MTHFD1L: variants seen among roughly 807,000 people sequenced by gnomAD.
MTHFD1L encodes the protein methylenetetrahydrofolate dehydrogenase (NADP+ dependent) 1 like.
In MTHFD1L, 81 loss-of-function variants were observed where a neutral mutation model predicts 119.5. The ratio of observed to expected loss-of-function variants is 0.68; its 90% CI spans 0.57 to 0.82. MTHFD1L has a LOEUF of 0.82. Ranked by LOEUF, MTHFD1L falls within the 40% of genes least tolerant of loss-of-function variation. The pLI is 0.00. For missense variants in MTHFD1L, 1,125 were observed against 1,253.4 expected (o/e 0.90, Z 1.55); for synonymous variants, 430 against 475.2 (o/e 0.90, Z 1.24).
chr6:150,923,544 C>CTT (rs61415562), intron 10 of MTHFD1L, among the ~76,000 whole-genome samples: 1,990 of 53,172 alleles, frequency 0.037, 192 homozygotes, highest in African/African-American at 0.11. Context: ...TTTATTTTTT[C>CTT]TTTTTTTTTT....
Position 150,865,933 on chromosome 6 carries a change from AGGC to A in MTHFD1L, c.120_122del (p.Gly42del). ...GTCGCGCTAGCAGCGGCGGCGGCGG[AGGC>A]GGCGGCGGTGGCCGGGAGGGCCTGC... is the stretch of plus-strand genomic sequence containing the variant. On this transcript the variant is annotated inframe_deletion, in exon 1 of 28. Coordinates refer to ENST00000367321, the MANE Select transcript of MTHFD1L (RefSeq NM_015440.5). 2 of 1,206,008 alleles carry A rather than the reference AGGC, an allele frequency of 1.7e-6. No homozygotes were observed. Among genetic ancestry groups the A allele is most frequent in the Non-Finnish European group, 2.1e-6 (2 of 975,050 alleles). 74.7% of individuals were successfully genotyped at this position (1,206,008 alleles called of 1,614,324 possible).
chr6:150,934,865 C>T (rs1791778896), intron 11 of MTHFD1L: 1 of 1,402,968 alleles, frequency 7.1e-7, no homozygotes, highest in African/African-American at 1.4e-5. Flanking sequence ...TGGACCCAAA[C>T]TCCAGATCGG....
At position 150,895,020 on chromosome 6, in the gene MTHFD1L, A is replaced by G. The variant is rs75418782; in HGVS notation, c.780+7039A>G. On this transcript the variant is annotated intron_variant, in intron 7 of 27. Coordinates refer to ENST00000367321, the MANE Select transcript of MTHFD1L (RefSeq NM_015440.5). ...GAAGAACGCCTGGGCATTTGTCCAA[A>G]TTAGCCATATGCTGTGGAGTGTCAC... Among the ~76,000 whole-genome samples, 1,000 of 152,268 alleles carry G rather than the reference A, an allele frequency of 6.6e-3. 13 individuals are homozygous for G. Among genetic ancestry groups the G allele is most frequent in the African/African-American group, 0.022 (930 of 41,536 alleles).
intron 21 of MTHFD1L, among the ~76,000 whole-genome samples, chr6:151,012,084 G>A (rs2128485521): frequency 6.8e-6 from 1 of 146,490 alleles, no homozygotes; most frequent in South Asian, 2.2e-4. Flanking sequence ...GTGAAGCTAG[G>A]CATCCCTCTC....
intron 27 of MTHFD1L, chr6:151,099,823 G>A (rs561619645): frequency 3.7e-5 from 59 of 1,602,264 alleles, no homozygotes; most frequent in Middle Eastern, 2.2e-4. Context: ...TGCCGAGATC[G>A]CTCACAATGT....
At chr6:150,964,331 A>C (rs1204480572) in intron 18 of MTHFD1L, among the ~76,000 whole-genome samples, 7 of 152,208 alleles carry the variant, frequency 4.6e-5, no homozygotes, top group Admixed American at 4.6e-4. Context: ...GAAGGAACTC[A>C]ACCCAGTACT....
At chr6:150,921,283 C>A (rs1262357495) in intron 9 of MTHFD1L, among the ~76,000 whole-genome samples, 1 of 151,536 alleles carries the variant, frequency 6.6e-6, no homozygotes, top group African/African-American at 2.4e-5. Flanking sequence ...CCACACCCAG[C>A]TAATTTTGTA....
intron 4 of MTHFD1L, among the ~76,000 whole-genome samples, chr6:150,880,399 C>T (rs1471712680): frequency 2.0e-5 from 3 of 152,186 alleles, no homozygotes; most frequent in African/African-American, 7.2e-5. Context: ...CATGTTATGT[C>T]CTCCAGGTTC....
chr6:151,092,941 T>C (rs1794583042), intron 27 of MTHFD1L, among the ~76,000 whole-genome samples: 1 of 152,228 alleles, frequency 6.6e-6, no homozygotes, highest in African/African-American at 2.4e-5. Flanking sequence ...GTTATAATTT[T>C]AAAAGAGTAA....
At chr6:150,934,076 G>A (rs914534929) in intron 11 of MTHFD1L, among the ~76,000 whole-genome samples, 47 of 138,942 alleles carry the variant, frequency 3.4e-4, no homozygotes, top group Non-Finnish European at 6.4e-4. Context: ...GCTTTAAATG[G>A]CTATAGTTAT....
Position 150,975,050 on chromosome 6 carries a change from C to A in MTHFD1L, c.2125+2992C>A, listed in dbSNP as rs6927521. Among the ~76,000 whole-genome samples, 3 of 152,000 alleles carry A rather than the reference C, an allele frequency of 2.0e-5. No individual in the cohort carries two copies. The East Asian group carries it at 5.8e-4, about 29-fold the overall frequency. On this transcript the variant is annotated intron_variant, in intron 20 of 27. Transcript: ENST00000367321. ...ACCACACCCGGCTAGAATTCTCTTC[C>A]TTTTTAAGGCGGAATAATATTCCAT... is the stretch of plus-strand genomic sequence containing the variant.
chr6:151,055,521 C>CT (rs1335987382), intron 26 of MTHFD1L, among the ~76,000 whole-genome samples: 8,650 of 141,138 alleles, frequency 0.061, 356 homozygotes, highest in African/African-American at 0.11. Flanking sequence ...TGTGCTGAAT[C>CT]TTTTTTTTTT....
intron 26 of MTHFD1L, among the ~76,000 whole-genome samples, chr6:151,074,421 T>C (rs1162748445): frequency 1.3e-5 from 2 of 152,212 alleles, no homozygotes; most frequent in African/African-American, 4.8e-5. Context: ...AGTATAGCGT[T>C]AAAAACATTT....
chr6:150,968,284 A>C (rs1464818026), intron 19 of MTHFD1L, among the ~76,000 whole-genome samples: 1 of 151,896 alleles, frequency 6.6e-6, no homozygotes, highest in Non-Finnish European at 1.5e-5. Context: ...GCTTCTAGAA[A>C]GTGCCCGACA....
intron 26 of MTHFD1L, among the ~76,000 whole-genome samples, chr6:151,089,205 A>C (rs1794139477): frequency 6.6e-6 from 1 of 152,224 alleles, no homozygotes; most frequent in Non-Finnish European, 1.5e-5. Context: ...GTGGGGCAGC[A>C]TCAGTGTGGC....
chr6:150,942,586 G>A (rs112039240), intron 13 of MTHFD1L, among the ~76,000 whole-genome samples: 34 of 152,112 alleles, frequency 2.2e-4, no homozygotes, highest in African/African-American at 7.9e-4. Flanking sequence ...AAAAAATGGG[G>A]GGATAATAAT....
At chr6:150,883,093 C>T (rs1388139927) in intron 5 of MTHFD1L, among the ~76,000 whole-genome samples, 2 of 151,264 alleles carry the variant, frequency 1.3e-5, no homozygotes, top group Admixed American at 6.6e-5. Flanking sequence ...AGTGCAGTGG[C>T]GTGATCTTGG....
intron 6 of MTHFD1L, among the ~76,000 whole-genome samples, chr6:150,886,444 A>C (rs1782303651): frequency 6.6e-6 from 1 of 150,838 alleles, no homozygotes; most frequent in South Asian, 2.1e-4. Flanking sequence ...TCAAAAAAAA[A>C]AAAAAAAAAA....
At chr6:150,881,622 G>C (rs1053787221) in intron 4 of MTHFD1L, among the ~76,000 whole-genome samples, 1 of 152,068 alleles carries the variant, frequency 6.6e-6, no homozygotes, top group Admixed American at 6.5e-5. Context: ...TCATCACTCT[G>C]TTAGCCTTTT....
Sources: allele counts gnomAD v4.1 joint callset (sites outside exome capture counted in the v4.1 genomes callset), GRCh38; gene constraint gnomAD v4.1.1; transcripts MANE v1.5; gene names NCBI Gene and HGNC (gene_info 2026-07-23, HGNC 2026-07-21).